TRUB1: variants seen among roughly 807,000 people sequenced by gnomAD.
TRUB1 encodes TruB pseudouridine synthase family member 1.
Under a neutral mutation model 33.9 loss-of-function variants are expected in TRUB1, and 23 were observed. The ratio of observed to expected loss-of-function variants is 0.68; its 90% confidence interval spans 0.49 to 0.96. The LOEUF (loss-of-function observed/expected upper bound fraction) is 0.96. TRUB1 is among the 40% of genes least tolerant of loss of function. The pLI is 0.00. For missense variants in TRUB1, 378 were observed against 422.2 expected, an observed-to-expected ratio of 0.90 and a Z score of 0.92; for synonymous variants, 163 against 165.4, an observed-to-expected ratio of 0.99 and a Z score of 0.11.
At chr10:114,943,967 G>A (rs1462225918) in intron 2 of TRUB1, among the ~76,000 whole-genome samples, 2 of 151,310 alleles carry the variant, frequency 1.3e-5, no homozygotes, top group African/African-American at 4.9e-5. Flanking sequence ...TTGATCGAAG[G>A]GAATAAAAAT....
chr10:114,939,740 G>T (rs1245917674), intron 1 of TRUB1, among the ~76,000 whole-genome samples: 1 of 151,618 alleles, frequency 6.6e-6, no homozygotes, highest in Non-Finnish European at 1.5e-5. Flanking sequence ...TCAAGGATAT[G>T]TATTGTGGTA....
intron 4 of TRUB1, among the ~76,000 whole-genome samples, chr10:114,968,570 C>T (rs2084321140): frequency 6.6e-6 from 1 of 152,134 alleles, no homozygotes; most frequent in Non-Finnish European, 1.5e-5. Context: ...TAGAAAAATC[C>T]TCATCTGTAT....
intron 6 of TRUB1, 34 bp from the exon 7 acceptor site, chr10:114,974,295 T>A: frequency 6.4e-7 from 1 of 1,568,166 alleles, no homozygotes; most frequent in Non-Finnish European, 8.8e-7. Context: ...TCATAGGAGG[T>A]TAGCAATTTA....
chr10:114,948,018 A>G lies in TRUB1; in HGVS notation c.386-3076A>G, dbSNP rs1021024929. ...TCCTAAAGAGACTCTCATCATAAACAAATTCTATCTTTTTGATTTGAGAAT... is the reference window on the plus strand; with the variant it reads ...TCCTAAAGAGACTCTCATCATAAACGAATTCTATCTTTTTGATTTGAGAAT... On this transcript the variant is annotated intron_variant, in intron 2 of 7. Coordinates refer to ENST00000298746, the MANE Select transcript of TRUB1 (RefSeq NM_139169.5). 6.0e-4 allele frequency among the ~76,000 whole-genome samples: 91 copies of G among 152,362 alleles called. 1 individual carries two copies. Among genetic ancestry groups the G allele is most frequent in the African/African-American group, 2.1e-3 (86 of 41,590 alleles).
At chr10:114,945,849 C>T (rs1026893271) in intron 2 of TRUB1, among the ~76,000 whole-genome samples, 8 of 151,972 alleles carry the variant, frequency 5.3e-5, no homozygotes, top group Non-Finnish European at 7.4e-5. Context: ...GATTTGTATG[C>T]GTGGAAGAAA....
chr10:114,944,573 C>T (rs558431245), intron 2 of TRUB1, among the ~76,000 whole-genome samples: 4 of 152,192 alleles, frequency 2.6e-5, no homozygotes, highest in African/African-American at 9.6e-5. Flanking sequence ...GCAGGAGAAT[C>T]ACTTGAACCC....
intron 3 of TRUB1, among the ~76,000 whole-genome samples, chr10:114,954,908 C>CT (rs5788089): frequency 0.31 from 45,705 of 146,534 alleles, 8,054 homozygotes; most frequent in Middle Eastern, 0.43. Context: ...CAGTTAATTT[C>CT]TTTTTTTTTT....
chr10:114,962,462 G>A (rs2084288513), intron 4 of TRUB1, among the ~76,000 whole-genome samples: 1 of 152,202 alleles, frequency 6.6e-6, no homozygotes, highest in African/African-American at 2.4e-5. Flanking sequence ...TGAAATAACA[G>A]TTAAAAATAG....
intron 1 of TRUB1, among the ~76,000 whole-genome samples, chr10:114,939,538 A>T (rs2084176311): frequency 6.6e-6 from 1 of 152,202 alleles, no homozygotes; most frequent in Admixed American, 6.5e-5. Flanking sequence ...TTTACACTTT[A>T]AAAAAATGCA....
At chr10:114,967,284 T>C (rs1258121336) in intron 4 of TRUB1, among the ~76,000 whole-genome samples, 1 of 152,210 alleles carries the variant, frequency 6.6e-6, no homozygotes, top group Non-Finnish European at 1.5e-5. Flanking sequence ...TTGTTTCTTT[T>C]TCCTCAGGGT....
At position 114,976,901 on chromosome 10, in the gene TRUB1, C is replaced by T. The variant is rs1218650744; in HGVS notation, c.*1522C>T. 6.6e-6 allele frequency: 1 copy of T among 152,108 alleles called. No individual in the cohort carries two copies. Among genetic ancestry groups the T allele is most frequent in the Non-Finnish European group, 1.5e-5 (1 of 68,008 alleles). 9.4% of individuals were successfully genotyped at this position (152,108 alleles called of 1,614,324 possible). A position where few individuals can be genotyped will look rare whatever the true frequency, so the allele number is the denominator to read the frequency against. On this transcript the variant is annotated 3_prime_UTR_variant, in exon 8 of 8. Transcript: ENST00000298746. Reference sequence around the variant, plus strand: ...ATGAAAATTTACAGTTTTACCTGTTCATATCTAGTGCCCCACAGTGTGTGT... The same window carrying T: ...ATGAAAATTTACAGTTTTACCTGTTTATATCTAGTGCCCCACAGTGTGTGT...
chr10:114,969,521 CTACTT>C (rs1393282060), intron 4 of TRUB1: 1 of 151,768 alleles, frequency 6.6e-6, no homozygotes, highest in South Asian at 2.1e-4. Context: ...TGCTAGAACT[CTACTT>C]TAATATTGCA....
chr10:114,971,587 G>T (rs892789870), intron 5 of TRUB1, among the ~76,000 whole-genome samples: 1 of 152,000 alleles, frequency 6.6e-6, no homozygotes, highest in Admixed American at 6.6e-5. Context: ...TTATGTATAA[G>T]AATTGTTTTA....
intron 4 of TRUB1, among the ~76,000 whole-genome samples, chr10:114,966,172 T>G (rs1564701201): frequency 6.6e-6 from 1 of 152,206 alleles, no homozygotes; most frequent in Non-Finnish European, 1.5e-5. Flanking sequence ...TGAGTTAATT[T>G]TTGAATATGA....
At chr10:114,963,035 C>T (rs532817918) in intron 4 of TRUB1, among the ~76,000 whole-genome samples, 6 of 152,252 alleles carry the variant, frequency 3.9e-5, no homozygotes, top group East Asian at 1.9e-4. Context: ...ATCTGTTCTC[C>T]GCTGAGCTAA....
chr10:114,957,178 T>C (rs1564699536), intron 3 of TRUB1, among the ~76,000 whole-genome samples: 1 of 152,200 alleles, frequency 6.6e-6, no homozygotes, highest in Non-Finnish European at 1.5e-5. Context: ...AATGGGAAAC[T>C]CTAGCTGAGA....
chr10:114,956,276 A>G (rs2084261408), intron 3 of TRUB1, among the ~76,000 whole-genome samples: 1 of 152,220 alleles, frequency 6.6e-6, no homozygotes, highest in African/African-American at 2.4e-5. Flanking sequence ...TAATGAATAC[A>G]GTAGTAGAAT....
intron 3 of TRUB1, among the ~76,000 whole-genome samples, chr10:114,952,473 GTAGGTAGA>G (rs770628031): frequency 0.068 from 6,363 of 94,206 alleles, 165 homozygotes; most frequent in Middle Eastern, 0.12. Context: ...AGGTAGGTAG[GTAGGTAGA>G]TAGGTAGATA....
At chr10:114,964,180 T>C (rs1055009064) in intron 4 of TRUB1, among the ~76,000 whole-genome samples, 6 of 152,222 alleles carry the variant, frequency 3.9e-5, no homozygotes, top group African/African-American at 1.4e-4. Flanking sequence ...ATTTTGGCTG[T>C]TCTGGTGAGT....
Sources: gnomAD v4.1 joint callset for allele counts (sites outside exome capture counted in the v4.1 genomes callset) on GRCh38, gnomAD v4.1.1 for gene constraint, MANE v1.5 for transcripts, NCBI Gene and HGNC (gene_info 2026-07-23, HGNC 2026-07-21) for gene names.